Variants in ERCC2 observed in about 807,000 individuals in gnomAD.
The protein encoded by ERCC2 is general transcription and DNA repair factor IIH helicase subunit XPD.
In ERCC2, 90 loss-of-function variants were observed where a neutral mutation model predicts 99.4. That is an observed-to-expected ratio of 0.91 (90% CI 0.76 to 1.08). ERCC2 has a LOEUF of 1.08. Ranked by LOEUF, ERCC2 falls within the 50% of genes least tolerant of loss-of-function variation. ERCC2 has a pLI of 0.00. For missense variants in ERCC2, 993 were observed against 1,038.1 expected, an observed-to-expected ratio of 0.96 and a Z score of 0.60; for synonymous variants, 497 against 432.4, an observed-to-expected ratio of 1.15 and a Z score of -1.85.
At chr19:45,363,933 G>C in intron 10 of ERCC2, 22 bp from the exon 11 acceptor site, 1 of 1,535,782 alleles carries the variant, frequency 6.5e-7, no homozygotes, top group Non-Finnish European at 8.7e-7. Context: ...CGCTATCAGC[G>C]GCGACGGGGA....
chr19:45,357,861 C>A, intron 12 of ERCC2, 162 bp from the exon 13 acceptor site: 1 of 692,190 alleles, frequency 1.4e-6, no homozygotes, highest in Non-Finnish European at 2.6e-6. Context: ...CCAAACCAGG[C>A]ATCTGAGTCC....
chr19:45,359,531 A>G (rs1210840234), intron 12 of ERCC2, among the ~76,000 whole-genome samples: 1 of 152,172 alleles, frequency 6.6e-6, no homozygotes, highest in Non-Finnish European at 1.5e-5. Flanking sequence ...ACCGGCCCAT[A>G]AAGCCTCCAG....
intron 5 of ERCC2, among the ~76,000 whole-genome samples, chr19:45,367,853 A>G (rs1006894114): frequency 6.6e-6 from 1 of 151,008 alleles, no homozygotes; most frequent in South Asian, 2.1e-4. Context: ...GATAACTAAT[A>G]TTGTATTTGT....
In ERCC2 at chr19:45,354,828, G is replaced by A. The variant is rs748368283; in HGVS notation, c.1567C>T (p.Leu523Phe). ...DIAVIRNYGN[L>F]LLEMSAVVPD... ...ACCACAGCGGACATCTCCAGCAGGA[G>A]GTTCCCATAGTTCCGGATCACAGCT... is the stretch of plus-strand genomic sequence containing the variant. The change falls in exon 17 of 23, where the codon CTC becomes TTC. Residue 523 changes from leucine (L) to phenylalanine (F), a missense_variant. Physicochemically the swap from Leu to Phe is conservative, Grantham distance 22. Transcript: ENST00000391945. 1 of 1,613,982 alleles carries A rather than the reference G, an allele frequency of 6.2e-7. No homozygotes were observed. Among genetic ancestry groups the A allele is most frequent in the African/African-American group, 1.3e-5 (1 of 74,912 alleles).
chr19:45,350,118 A>C lies in ERCC2; in HGVS notation c.*1511T>G, dbSNP rs1173933902. On this transcript the variant is annotated 3_prime_UTR_variant, in exon 23 of 23. Transcript: ENST00000391945. ...CTTTAGGCAGGGGAAGGATACGGCCAGGTCAGCACATTAGAAAGTGGGGCC... is the reference window on the plus strand; with the variant it reads ...CTTTAGGCAGGGGAAGGATACGGCCCGGTCAGCACATTAGAAAGTGGGGCC... 8.9e-6 allele frequency: 5 copies of C among 560,730 alleles called. No homozygotes were observed. The highest frequency in any genetic ancestry group is 5.6e-5 in the African/African-American group (3 of 53,198). 34.7% of individuals were successfully genotyped at this position (560,730 alleles called of 1,614,324 possible).
intron 1 of ERCC2, 74 bp downstream of exon 1, chr19:45,370,462 C>A: frequency 1.4e-6 from 2 of 1,439,604 alleles, no homozygotes; most frequent in Admixed American, 2.1e-5. Flanking sequence ...GGGACCCAGG[C>A]GCGCCCACCG....
rs752451935 is a variant in ERCC2, at chr19:45,352,218, G to A, written c.2181C>T (p.Pro727=). The part of the protein sequence containing the change: ...AKYFLRQMAQ[P]FHREDQLGLS... ...GGGACGCAGGCCTCACCCGGTGGAA[G>A]GGCTGTGCCATCTGCCGCAGGAAGT... The change falls in exon 22 of 23, where the codon CCC becomes CCT. Residue 727 remains proline (P), a synonymous_variant. Transcript: ENST00000391945. 4 of 1,613,796 alleles carry A rather than the reference G, an allele frequency of 2.5e-6. No individual in the cohort carries two copies. In the African/African-American group the frequency reaches 5.3e-5, roughly 22 times the overall value.
At position 45,351,428 on chromosome 19, in the gene ERCC2, G is replaced by A; in HGVS notation, c.*201C>T. ...GAGGGATGGGCTGGTGGGGTGAGAG[G>A]GGGTCTATCATCTCCTGGCCCCCCC... On this transcript the variant is annotated 3_prime_UTR_variant, in exon 23 of 23. Transcript: ENST00000391945. 3.8e-6 allele frequency: 6 copies of A among 1,591,734 alleles called. No individual in the cohort carries two copies. Among genetic ancestry groups the A allele is most frequent in the Non-Finnish European group, 5.1e-6 (6 of 1,172,264 alleles).
chr19:45,364,810 C>T (rs370779591), intron 7 of ERCC2, 28 bp downstream of exon 7: 204 of 1,551,852 alleles, frequency 1.3e-4, no homozygotes, highest in Non-Finnish European at 1.8e-4. Flanking sequence ...CACACTCGCC[C>T]CTCTGCCCAT....
chr19:45,364,529 CCA>C lies in ERCC2; in HGVS notation c.611_612del (p.Val204GlyfsTer4). The part of the protein sequence containing the change: ...LARYSILHAN[V>X]VVYSYHYLLD... ...AGGAGGTAGTGGTAGCTATAAACCA[CCA>C]CATTGGCATGCAGGATCTGGGGGGC... On this transcript the variant is annotated frameshift_variant, in exon 8 of 23. Transcript: ENST00000391945. LOFTEE classifies it high-confidence loss of function. The C allele has an allele frequency of 6.2e-7, 1 of 1,613,556 alleles. No homozygotes were observed. The highest frequency in any genetic ancestry group is 1.1e-5 in the South Asian group (1 of 91,070).
At chr19:45,351,974 C>T (rs1014711889) in intron 22 of ERCC2, among the ~76,000 whole-genome samples, 14 of 152,246 alleles carry the variant, frequency 9.2e-5, no homozygotes, top group African/African-American at 3.4e-4. Flanking sequence ...ACGCCCAATG[C>T]CTCCTCACCC....
intron 16 of ERCC2, among the ~76,000 whole-genome samples, chr19:45,355,282 G>A (rs892890424): frequency 6.6e-5 from 10 of 152,202 alleles, no homozygotes; most frequent in East Asian, 1.9e-4. Flanking sequence ...GCTTGAACCC[G>A]CAAGGCAGAG....
chr19:45,354,294 T>A (rs1489520250), intron 17 of ERCC2, among the ~76,000 whole-genome samples: 1 of 152,210 alleles, frequency 6.6e-6, no homozygotes, highest in African/African-American at 2.4e-5. Flanking sequence ...CTGAAGGGGC[T>A]CCTGCAGACC....
At chr19:45,365,949 C>A (rs894939672) in intron 5 of ERCC2, among the ~76,000 whole-genome samples, 3 of 152,090 alleles carry the variant, frequency 2.0e-5, no homozygotes, top group African/African-American at 4.8e-5. Flanking sequence ...ATCCTTCCCC[C>A]ACTCAGCCTC....
chr19:45,350,671 A>G lies in ERCC2; in HGVS notation c.*958T>C. ...TCGCCGCAGCAGCTCACTCTCCAAG[A>G]TCCGTGAGTCTATCAGGCGAGGAAG... is the stretch of plus-strand genomic sequence containing the variant. On this transcript the variant is annotated 3_prime_UTR_variant, in exon 23 of 23. Transcript: ENST00000391945. 1 of 1,613,664 alleles carries G rather than the reference A, an allele frequency of 6.2e-7. No homozygotes were observed. The highest frequency in any genetic ancestry group is 1.3e-5 in the African/African-American group (1 of 74,944).
In ERCC2 at chr19:45,350,459, C is replaced by T; in HGVS notation, c.*1170G>A. On this transcript the variant is annotated 3_prime_UTR_variant, in exon 23 of 23. Transcript: ENST00000391945. Reference sequence around the variant, plus strand: ...GAGCCCCTAGCCCCTGTCTGTCTTCCCTCCTGGTGGCTTCTCTATGTCCCC... The same window carrying T: ...GAGCCCCTAGCCCCTGTCTGTCTTCTCTCCTGGTGGCTTCTCTATGTCCCC... 2 of 1,612,966 alleles carry T rather than the reference C, an allele frequency of 1.2e-6. No individual in the cohort carries two copies. Among genetic ancestry groups the T allele is most frequent in the Non-Finnish European group, 1.7e-6 (2 of 1,179,022 alleles).
rs756802959 is a variant in ERCC2, at chr19:45,364,469, G to A, written c.673C>T (p.Leu225=). The change falls in exon 8 of 23, where the codon CTG becomes TTG. Residue 225 remains leucine, a synonymous_variant. Coordinates refer to ENST00000391945, the MANE Select transcript of ERCC2 (RefSeq NM_000400.4). ...AAGACCACGACGGCCTTGCGGGCCA[G>A]TTCCTTGGACACCAGGTCTGCAATC... ...PKIADLVSKE[L]ARKAVVVFDE... is the part of the protein sequence containing the mutation. 10 of 1,614,050 alleles carry A rather than the reference G, an allele frequency of 6.2e-6. No homozygotes were observed. The highest frequency in any genetic ancestry group is 6.8e-6 in the Non-Finnish European group (8 of 1,180,014).
chr19:45,355,604 C>T (rs1971984858), intron 16 of ERCC2, 61 bp downstream of exon 16: 12 of 1,401,150 alleles, frequency 8.6e-6, no homozygotes, highest in Admixed American at 3.3e-5. Flanking sequence ...TGACTCAGCC[C>T]ACCTGACTGA....
Position 45,365,196 on chromosome 19 carries a change from G to A in ERCC2, c.361-38C>T, listed in dbSNP as rs1568543381. On this transcript the variant is annotated intron_variant, in intron 5 of 22. Transcript: ENST00000391945. Reference sequence around the variant, plus strand: ...GGCATCTTAGCACCCAGACAGGGTGGAAACCCAACCACTCTTCAAACCCTG... The same window carrying A: ...GGCATCTTAGCACCCAGACAGGGTGAAAACCCAACCACTCTTCAAACCCTG... 3.3e-6 allele frequency: 5 copies of A among 1,530,470 alleles called. No individual in the cohort carries two copies. The South Asian group carries it at 5.6e-5, about 17-fold the overall frequency. The allele number at this position is 1,530,470 out of a possible 1,614,324, so 94.8% of individuals were successfully genotyped here.
Sources: gnomAD v4.1 joint callset for allele counts (sites outside exome capture counted in the v4.1 genomes callset) on GRCh38, gnomAD v4.1.1 for gene constraint, MANE v1.5 for transcripts, NCBI Gene and HGNC (gene_info 2026-07-23, HGNC 2026-07-21) for gene names.